Variants in SMG7 observed in about 807,000 individuals in gnomAD.
SMG7 encodes the protein nonsense-mediated mRNA decay factor SMG7.
Under a neutral mutation model 148.2 loss-of-function variants are expected in SMG7, and 34 were observed. The ratio of observed to expected loss-of-function variants is 0.23; its 90% confidence interval spans 0.17 to 0.31. SMG7 has a LOEUF of 0.31. Among genes scored for constraint, SMG7 ranks in the 10% least tolerant of loss-of-function variants. The pLI is 1.00. For synonymous variants in SMG7, 492 were observed against 515.1 expected, an observed-to-expected ratio of 0.96 and a Z score of 0.61; for missense variants, 1,114 against 1,408.4, an observed-to-expected ratio of 0.79 and a Z score of 3.35.
At position 183,527,308 on chromosome 1, in the gene SMG7, A is replaced by G. The variant is rs1572002414; in HGVS notation, c.484+541A>G. Among the ~76,000 whole-genome samples, 1 of 152,328 alleles carries G rather than the reference A, an allele frequency of 6.6e-6. No individual in the cohort carries two copies. The highest frequency in any genetic ancestry group is 2.1e-4 in the South Asian group (1 of 4,832). ...AGAAAGGTTGTAAAACAAATTAACT[A>G]TAGGATTATGTTTTGCTTGTCCTCA... On this transcript the variant is annotated intron_variant, in intron 5 of 22. Transcript: ENST00000688051. This position sits in a 1 kb window ranked among gnomAD's most constrained non-coding sequence, Gnocchi z 4.0.
Position 183,534,846 on chromosome 1 carries a change from C to CA in SMG7, c.1163+1027dup, listed in dbSNP as rs879330862. On this transcript the variant is annotated intron_variant, in intron 10 of 22. Coordinates refer to ENST00000688051, the MANE Select transcript of SMG7 (RefSeq NM_001375584.1). ...CGCGCCATTGTACTCCAGCCTGTCT[C>CA]AAAAAAAAAAAAAGAAAGACCTTAT... Among the ~76,000 whole-genome samples, 726 of 134,214 alleles carry CA rather than the reference C, an allele frequency of 5.4e-3. 5 individuals carry two copies. Among genetic ancestry groups the CA allele is most frequent in the Admixed American group, 0.011 (149 of 13,392 alleles). 88.0% of individuals were successfully genotyped at this position (134,214 alleles called of 152,430 possible).
chr1:183,528,169 A>T (rs1666222504), intron 6 of SMG7, 142 bp downstream of exon 6: 1 of 462,892 alleles, frequency 2.2e-6, no homozygotes, highest in African/African-American at 2.0e-5. Flanking sequence ...ATTTAACTGT[A>T]CATTCCATGT....
intron 1 of SMG7, among the ~76,000 whole-genome samples, chr1:183,495,479 A>G (rs1174406339): frequency 6.6e-6 from 1 of 152,196 alleles, no homozygotes; most frequent in Non-Finnish European, 1.5e-5. Flanking sequence ...ACTCCTGGGA[A>G]AGAACTTACG....
At chr1:183,531,365 A>G (rs1040964406) in intron 8 of SMG7, among the ~76,000 whole-genome samples, 5 of 152,106 alleles carry the variant, frequency 3.3e-5, no homozygotes, top group African/African-American at 1.2e-4. Flanking sequence ...TTATTTCAGT[A>G]TATTTCTCAA....
rs1299765585 is a variant in SMG7 at position 183,512,674 on chromosome 1, G to C, written c.30-163G>C. ...ATTTGCCAAGACCTTGTGCTACCCTGATGTTAAAGTAGGGATGCTGTTTGC... is the reference window on the plus strand; with the variant it reads ...ATTTGCCAAGACCTTGTGCTACCCTCATGTTAAAGTAGGGATGCTGTTTGC... On this transcript the variant is annotated intron_variant, in intron 1 of 22. Coordinates refer to ENST00000688051, the MANE Select transcript of SMG7 (RefSeq NM_001375584.1). 2.0e-5 allele frequency among the ~76,000 whole-genome samples: 3 copies of C among 152,080 alleles called. No individual in the cohort carries two copies. In the East Asian group the frequency reaches 5.8e-4, roughly 29 times the overall value.
chr1:183,497,160 A>G (rs1387176670), intron 1 of SMG7, among the ~76,000 whole-genome samples: 4 of 152,212 alleles, frequency 2.6e-5, no homozygotes, highest in Non-Finnish European at 5.9e-5. Flanking sequence ...AAAATGTCCA[A>G]AAATTTTGCT....
At chr1:183,530,361 T>A (rs1227667175) in intron 8 of SMG7, among the ~76,000 whole-genome samples, 1 of 152,148 alleles carries the variant, frequency 6.6e-6, no homozygotes, top group Non-Finnish European at 1.5e-5. Flanking sequence ...CCAAAAATAG[T>A]CAATGCGAAA....
intron 1 of SMG7, among the ~76,000 whole-genome samples, chr1:183,500,390 C>A (rs1009753389): frequency 6.6e-6 from 1 of 152,008 alleles, no homozygotes; most frequent in Admixed American, 6.5e-5. Context: ...AGATGGAAAA[C>A]CTTTCAGATT....
At chr1:183,519,964 T>C (rs961768190) in intron 4 of SMG7, among the ~76,000 whole-genome samples, 2 of 152,160 alleles carry the variant, frequency 1.3e-5, no homozygotes, top group African/African-American at 4.8e-5. Flanking sequence ...CATTTTTCAC[T>C]AGTTTCTTCT....
rs898054613 is a variant in SMG7 at position 183,502,278 on chromosome 1, G to A, written c.30-10559G>A. The A allele has an allele frequency of 2.6e-6, 4 of 1,532,888 alleles. No individual in the cohort carries two copies. The African/African-American group carries it at 4.1e-5, about 16-fold the overall frequency. 95.0% of individuals were successfully genotyped at this position (1,532,888 alleles called of 1,614,324 possible). On this transcript the variant is annotated intron_variant, in intron 1 of 22. Coordinates refer to ENST00000688051, the MANE Select transcript of SMG7 (RefSeq NM_001375584.1). ...AATGTCTTAAACCATTCTACCTTAT[G>A]AGAAATTGGATGTTCTTGCAGATAG...
intron 1 of SMG7, among the ~76,000 whole-genome samples, chr1:183,497,058 A>C (rs1199992841): frequency 3.9e-5 from 6 of 152,272 alleles, no homozygotes; most frequent in African/African-American, 1.2e-4. Context: ...ATGACTCCCA[A>C]ATGATATCTG....
At chr1:183,506,291 G>A (rs1346276258) in intron 1 of SMG7, among the ~76,000 whole-genome samples, 1 of 152,108 alleles carries the variant, frequency 6.6e-6, no homozygotes, top group Non-Finnish European at 1.5e-5. Flanking sequence ...AATCCTTCAT[G>A]AGCCCTAAAG....
Position 183,533,656 on chromosome 1 carries a change from G to T in SMG7, c.1007-20G>T. The T allele has an allele frequency of 6.3e-7, 1 of 1,593,724 alleles. No individual in the cohort carries two copies. The highest frequency in any genetic ancestry group is 8.6e-7 in the Non-Finnish European group (1 of 1,167,166). Reference sequence around the variant, plus strand: ...CAGTTTCATATTTCTTATGCTTTTTGAATACATTTTTTTTTCAAGTGTCTT... The same window carrying T: ...CAGTTTCATATTTCTTATGCTTTTTTAATACATTTTTTTTTCAAGTGTCTT... On this transcript the variant is annotated intron_variant, in intron 9 of 22. Transcript: ENST00000688051.
chr1:183,490,746 A>G (rs1372687441), intron 1 of SMG7, among the ~76,000 whole-genome samples: 2 of 152,110 alleles, frequency 1.3e-5, no homozygotes, highest in African/African-American at 4.8e-5. Context: ...TATAACCATC[A>G]CCCTGATCAA....
At chr1:183,491,978 G>A (rs1384579004) in intron 1 of SMG7, among the ~76,000 whole-genome samples, 1 of 152,320 alleles carries the variant, frequency 6.6e-6, no homozygotes, top group South Asian at 2.1e-4. Context: ...CAGCCCTTTC[G>A]TATGGCACTG....
At chr1:183,479,203 CTA>C (rs1352055028) in intron 1 of SMG7, among the ~76,000 whole-genome samples, 2 of 152,084 alleles carry the variant, frequency 1.3e-5, no homozygotes, top group Non-Finnish European at 2.9e-5. Context: ...CTCAAGTAGA[CTA>C]TGTGGCAGCT....
chr1:183,473,911 C>G, intron 1 of SMG7: 1 of 981,172 alleles, frequency 1.0e-6, no homozygotes, highest in Non-Finnish European at 1.2e-6. Flanking sequence ...GTGTAGTTAC[C>G]TGATACATAG....
intron 8 of SMG7, among the ~76,000 whole-genome samples, chr1:183,530,667 T>C (rs966582759): frequency 6.6e-6 from 1 of 152,144 alleles, no homozygotes; most frequent in African/African-American, 2.4e-5. Flanking sequence ...AAATCTTAAA[T>C]TTTAAGTTGA....
chr1:183,477,861 T>C (rs1653057189), intron 1 of SMG7, among the ~76,000 whole-genome samples: 1 of 152,176 alleles, frequency 6.6e-6, no homozygotes, highest in Non-Finnish European at 1.5e-5. Flanking sequence ...GATACATGTA[T>C]AGTGAAGACG....
Sources: allele counts gnomAD v4.1 joint callset (sites outside exome capture counted in the v4.1 genomes callset), GRCh38; gene constraint gnomAD v4.1.1; non-coding constraint Gnocchi (gnomAD v3.1); transcripts MANE v1.5; gene names NCBI Gene and HGNC (gene_info 2026-07-23, HGNC 2026-07-21).